SCD5: variants seen among roughly 807,000 people sequenced by gnomAD.
The protein encoded by SCD5 is acyl-CoA-desaturase 4.
SCD5 carries 20 observed loss-of-function variants against 30.4 expected under a neutral mutation model. The ratio of observed to expected loss-of-function variants is 0.66; its 90% confidence interval spans 0.46 to 0.96. SCD5 has a LOEUF of 0.96. Among genes scored for constraint, SCD5 ranks in the 40% least tolerant of loss-of-function variants. The pLI is 0.00. For synonymous variants in SCD5, 173 were observed against 176.4 expected (o/e 0.98, Z 0.16); for missense variants, 381 against 443.3 (o/e 0.86, Z 1.26).
At chr4:82,697,332 T>G (rs931695936) in intron 2 of SCD5, among the ~76,000 whole-genome samples, 5 of 152,190 alleles carry the variant, frequency 3.3e-5, no homozygotes, top group South Asian at 2.1e-4. Flanking sequence ...AGTATTGCGG[T>G]TTTTTTGGTT....
At chr4:82,660,394 T>C (rs1024522355) in intron 3 of SCD5, 2 of 794,482 alleles carry the variant, frequency 2.5e-6, no homozygotes, top group Admixed American at 5.6e-5. Flanking sequence ...TAGAAATACA[T>C]CTGGAAATGA....
At chr4:82,684,827 G>T (rs1028175281) in intron 2 of SCD5, among the ~76,000 whole-genome samples, 8 of 152,084 alleles carry the variant, frequency 5.3e-5, no homozygotes, top group African/African-American at 1.9e-4. Flanking sequence ...CACCTTTGCT[G>T]CACGGGAAAC....
chr4:82,791,560 C>A (rs1397493116), intron 1 of SCD5, among the ~76,000 whole-genome samples: 2 of 152,074 alleles, frequency 1.3e-5, no homozygotes, highest in African/African-American at 4.8e-5. Flanking sequence ...ACTAAGGAAA[C>A]GTGTGGATGG....
intron 1 of SCD5, among the ~76,000 whole-genome samples, chr4:82,705,636 G>A (rs1268935524): frequency 1.3e-5 from 2 of 152,186 alleles, no homozygotes; most frequent in African/African-American, 2.4e-5. Flanking sequence ...TTTGACCTTT[G>A]AATATCCTTC....
intron 1 of SCD5, among the ~76,000 whole-genome samples, chr4:82,737,393 T>A (rs1720774789): frequency 6.6e-6 from 1 of 152,184 alleles, no homozygotes; most frequent in Admixed American, 6.5e-5. Flanking sequence ...ATATTCTGGA[T>A]GTTAATTTTT....
intron 1 of SCD5, among the ~76,000 whole-genome samples, chr4:82,752,565 T>A (rs2148842804): frequency 6.6e-6 from 1 of 152,270 alleles, no homozygotes; most frequent in South Asian, 2.1e-4. Context: ...GGAGATGGAA[T>A]CTTCCAGCCT....
chr4:82,673,465 C>T (rs748983339), intron 3 of SCD5, among the ~76,000 whole-genome samples: 4 of 151,990 alleles, frequency 2.6e-5, no homozygotes. Flanking sequence ...TGTACAAGAT[C>T]GGTATGAGGA....
intron 1 of SCD5, among the ~76,000 whole-genome samples, chr4:82,796,681 A>G (rs1418066053): frequency 6.6e-6 from 1 of 152,088 alleles, no homozygotes; most frequent in African/African-American, 2.4e-5. Context: ...TATTAAAGAT[A>G]AGCCTCAATC....
intron 2 of SCD5, among the ~76,000 whole-genome samples, chr4:82,689,050 A>AG (rs375893187): frequency 7.3e-6 from 1 of 137,768 alleles, no homozygotes; most frequent in Non-Finnish European, 1.5e-5. Context: ...TTAAAAATTG[A>AG]GGGGGAAGAA....
At chr4:82,685,401 A>C (rs1029240962) in intron 2 of SCD5, among the ~76,000 whole-genome samples, 1 of 152,138 alleles carries the variant, frequency 6.6e-6, no homozygotes, top group Non-Finnish European at 1.5e-5. Flanking sequence ...TGGGCTACAG[A>C]AAAAATTAAT....
chr4:82,794,681 A>G (rs1438386311), intron 1 of SCD5, among the ~76,000 whole-genome samples: 2 of 140,250 alleles, frequency 1.4e-5, no homozygotes, highest in African/African-American at 2.7e-5. Context: ...ACGGAGTCTC[A>G]CTCTGTCGCC....
intron 2 of SCD5, among the ~76,000 whole-genome samples, chr4:82,690,577 T>C (rs189173725): frequency 6.6e-6 from 1 of 152,338 alleles, no homozygotes; most frequent in East Asian, 1.9e-4. Flanking sequence ...CTCCCACTTA[T>C]AGTAATTTTC....
intron 2 of SCD5, 92 bp downstream of exon 2, chr4:82,705,191 A>G: frequency 2.7e-6 from 4 of 1,495,164 alleles, no homozygotes; most frequent in Non-Finnish European, 3.7e-6. Context: ...AGTCTAGGAC[A>G]GGGGTGGAGG....
chr4:82,795,932 T>C (rs1209341570), intron 1 of SCD5, among the ~76,000 whole-genome samples: 4 of 150,566 alleles, frequency 2.7e-5, no homozygotes. Flanking sequence ...TCTACCATTG[T>C]CTGCTATTTT....
intron 3 of SCD5, among the ~76,000 whole-genome samples, chr4:82,669,018 T>A (rs1728249139): frequency 6.6e-6 from 1 of 152,130 alleles, no homozygotes; most frequent in African/African-American, 2.4e-5. Context: ...TAGAGGGACC[T>A]TCATGGCAAA....
At chr4:82,785,720 G>C (rs1174129878) in intron 1 of SCD5, among the ~76,000 whole-genome samples, 4 of 152,154 alleles carry the variant, frequency 2.6e-5, no homozygotes, top group African/African-American at 4.8e-5. Flanking sequence ...AGTAATTTGA[G>C]TATAGCTAAA....
At chr4:82,695,084 T>C (rs948570148) in intron 2 of SCD5, among the ~76,000 whole-genome samples, 1 of 145,192 alleles carries the variant, frequency 6.9e-6, no homozygotes, top group East Asian at 1.9e-4. Context: ...AGCCTTTAAC[T>C]TGTGGGATCT....
chr4:82,795,058 A>T (rs1722181694), intron 1 of SCD5, among the ~76,000 whole-genome samples: 1 of 152,174 alleles, frequency 6.6e-6, no homozygotes, highest in Non-Finnish European at 1.5e-5. Context: ...ATAAAAAGGG[A>T]AAACAACATG....
chr4:82,751,678 G>A (rs1026486308), intron 1 of SCD5, among the ~76,000 whole-genome samples: 2 of 152,204 alleles, frequency 1.3e-5, no homozygotes, highest in African/African-American at 2.4e-5. Context: ...CCAGGCTGGA[G>A]TGCACTGGTG....
Sources: allele counts gnomAD v4.1 joint callset (sites outside exome capture counted in the v4.1 genomes callset), GRCh38; gene constraint gnomAD v4.1.1; transcripts MANE v1.5; gene names NCBI Gene and HGNC (gene_info 2026-07-23, HGNC 2026-07-21).